ADAMTS7: variants seen among roughly 807,000 people sequenced by gnomAD.
The protein encoded by ADAMTS7 is A disintegrin and metalloproteinase with thrombospondin motifs 7.
In ADAMTS7, 89 loss-of-function variants were observed where a neutral mutation model predicts 172.6. That is an observed-to-expected ratio of 0.52 (90% CI 0.43 to 0.61). The LOEUF (loss-of-function observed/expected upper bound fraction) is 0.61. Among genes scored for constraint, ADAMTS7 ranks in the 20% least tolerant of loss-of-function variants. The pLI, the probability that ADAMTS7 is intolerant of heterozygous loss-of-function variation, is 0.00. For missense variants in ADAMTS7, 1,973 were observed against 2,355.6 expected, an observed-to-expected ratio of 0.84 and a Z score of 3.36; for synonymous variants, 885 against 978.4, an observed-to-expected ratio of 0.90 and a Z score of 1.78.
rs138987419 is a variant in ADAMTS7, at chr15:78,809,441, G to A, written c.100+1680C>T. On this transcript the variant is annotated intron_variant, in intron 1 of 23. Coordinates refer to ENST00000388820, the MANE Select transcript of ADAMTS7 (RefSeq NM_014272.5). ...GACAGACTTCACCCTTGGAGTGTTT[G>A]TGCCCAGATTAGGTTGGAGAGAGTG... Among the ~76,000 whole-genome samples, 524 of 152,260 alleles carry A rather than the reference G, an allele frequency of 3.4e-3. 2 individuals are homozygous for A. Among genetic ancestry groups the A allele is most frequent in the African/African-American group, 0.012 (509 of 41,554 alleles).
At chr15:78,779,983 G>A (rs2055407142) in intron 8 of ADAMTS7, among the ~76,000 whole-genome samples, 1 of 147,460 alleles carries the variant, frequency 6.8e-6, no homozygotes, top group African/African-American at 2.5e-5. Flanking sequence ...CCGAGGTGCT[G>A]TCTTGGGAGT....
Position 78,764,623 on chromosome 15 carries a change from G to A in ADAMTS7, c.4351C>T (p.Arg1451Trp), listed in dbSNP as rs369253047. The A allele has an allele frequency of 1.0e-4, 156 of 1,551,744 alleles. No individual in the cohort carries two copies. The highest frequency in any genetic ancestry group is 3.5e-5 in the South Asian group (3 of 85,768). ...TGGCAGCGGCGGGCAGGCTGGGGCCGGCCAGCGGGGGCGCAGTCCTCATCC... is the reference window on the plus strand; with the variant it reads ...TGGCAGCGGCGGGCAGGCTGGGGCCAGCCAGCGGGGGCGCAGTCCTCATCC... The part of the protein sequence containing the change: ...GRDEDCAPAG[R>W]PQPARRCHLR... Residue 1451 changes from arginine (R) to tryptophan (W), a missense_variant, in exon 20 of 24, where the codon CGG (arginine) becomes TGG (tryptophan). By Grantham distance (101) the Arg-to-Trp change is moderately radical. Transcript: ENST00000388820.
chr15:78,777,331 G>C, intron 9 of ADAMTS7, 113 bp downstream of exon 9: 1 of 1,407,640 alleles, frequency 7.1e-7, no homozygotes, highest in Non-Finnish European at 9.5e-7. Context: ...CAGGGGCGCA[G>C]CCCAGGCCAG....
In ADAMTS7 at chr15:78,786,860, A is replaced by AT. The variant is rs991423798; in HGVS notation, c.1322+1370dup. On this transcript the variant is annotated intron_variant, in intron 8 of 23. Transcript: ENST00000388820. Reference sequence around the variant, plus strand: ...ACTGCACAGGTCCACTTACATGTGGATTTTTTTTCACCTCTGCCACCCCTG... The same window carrying AT: ...ACTGCACAGGTCCACTTACATGTGGATTTTTTTTTCACCTCTGCCACCCCTG... 2.6e-5 allele frequency among the ~76,000 whole-genome samples: 4 copies of AT among 151,946 alleles called. No homozygotes were observed. In the South Asian group the frequency reaches 8.3e-4, roughly 32 times the overall value.
intron 3 of ADAMTS7, 145 bp downstream of exon 3, chr15:78,797,803 G>C (rs1367666781): frequency 2.4e-5 from 23 of 954,840 alleles, no homozygotes; most frequent in African/African-American, 3.5e-5. Flanking sequence ...AAGGGCACAG[G>C]CTATGGTAAA....
At position 78,800,304 on chromosome 15, in the gene ADAMTS7, C is replaced by G. The variant is rs61754849; in HGVS notation, c.344G>C (p.Gly115Ala). The change falls in exon 2 of 24, where the codon GGC becomes GCC. Residue 115 changes from glycine (G) to alanine (A), a missense_variant. Physicochemically the swap from Gly to Ala is moderately conservative, Grantham distance 60 (BLOSUM62 0). Coordinates refer to ENST00000388820, the MANE Select transcript of ADAMTS7 (RefSeq NM_014272.5). ...GFVSETRRRG[G>A]LGRAHIRAHT... is the part of the protein sequence containing the mutation. Reference sequence around the variant, plus strand: ...GGCCCGGATGTGCGCGCGGCCCAGGCCGCCGCGCCGCCGCGTCTCGCTCAC... The same window carrying G: ...GGCCCGGATGTGCGCGCGGCCCAGGGCGCCGCGCCGCCGCGTCTCGCTCAC... 3.4e-5 allele frequency: 54 copies of G among 1,586,718 alleles called. 1 individual carries two copies. In the South Asian group the frequency reaches 5.8e-4, roughly 17 times the overall value.
chr15:78,766,705 A>G lies in ADAMTS7; in HGVS notation c.3206T>C (p.Phe1069Ser). ...FVDDFYYDYN[F>S]INFHEDLSYG... ...GGACAGATCCTCGTGGAAATTGATG[A>G]AATTGTAGTCGTAGTAGAAGTCGTC... The change falls in exon 19 of 24, where the codon TTC becomes TCC. Residue 1069 changes from phenylalanine (F) to serine (S), a missense_variant. Physicochemically the swap from Phe to Ser is radical, Grantham distance 155. Around this residue, in one of 8 missense-constraint regions of ADAMTS7, gnomAD observed 771 missense variants for 952.6 expected, o/e 0.81. Transcript: ENST00000388820. 1 of 1,610,880 alleles carries G rather than the reference A, an allele frequency of 6.2e-7. No individual in the cohort carries two copies.
Position 78,759,591 on chromosome 15 carries a change from G to T in ADAMTS7, c.4904-13C>A, listed in dbSNP as rs550912581. The T allele has an allele frequency of 8.9e-6, 14 of 1,568,546 alleles. No individual in the cohort carries two copies. Among genetic ancestry groups the T allele is most frequent in the South Asian group, 8.1e-5 (7 of 86,868 alleles). ...TCCCGCTCACAGCCTGGAGTGGGGG[G>T]GCAGAGAGGCATCAGAACCAGTAGC... On this transcript the variant is annotated splice_polypyrimidine_tract_variant and intron_variant, in intron 23 of 23. Transcript: ENST00000388820.
At chr15:78,772,909 C>T (rs1050150291) in intron 14 of ADAMTS7, among the ~76,000 whole-genome samples, 174 bp downstream of exon 14, 8 of 152,230 alleles carry the variant, frequency 5.3e-5, no homozygotes, top group African/African-American at 1.2e-4. Context: ...GGTCTCTGCA[C>T]ATGGGCCAGG....
chr15:78,771,933 C>T lies in ADAMTS7; in HGVS notation c.2132-104G>A. On this transcript the variant is annotated intron_variant, in intron 14 of 23. Coordinates refer to ENST00000388820, the MANE Select transcript of ADAMTS7 (RefSeq NM_014272.5). This position sits in a 1 kb window ranked among gnomAD's most constrained non-coding sequence, Gnocchi z 4.9. The stretch of plus-strand genomic sequence containing the variant: ...CCCCACTTGCCTCCGCCTGCTGATG[C>T]CAAAGCTTTAAAGTCTGAGCTCCCT... 1 of 1,483,780 alleles carries T rather than the reference C, an allele frequency of 6.7e-7. No homozygotes were observed. The highest frequency in any genetic ancestry group is 9.0e-7 in the Non-Finnish European group (1 of 1,109,222). The allele number at this position is 1,483,780 out of a possible 1,614,324, so 91.9% of individuals were successfully genotyped here.
intron 16 of ADAMTS7, among the ~76,000 whole-genome samples, chr15:78,768,605 G>A (rs2055198394): frequency 6.6e-6 from 1 of 152,216 alleles, no homozygotes; most frequent in Non-Finnish European, 1.5e-5. Flanking sequence ...TAAAGTGGGA[G>A]CAACAATCCT....
intron 3 of ADAMTS7, among the ~76,000 whole-genome samples, chr15:78,797,054 T>G (rs999708859): frequency 2.6e-5 from 4 of 152,130 alleles, no homozygotes; most frequent in African/African-American, 7.2e-5. Flanking sequence ...AATGAAATGG[T>G]GGATATAAAC....
At chr15:78,796,912 C>T (rs1421986710) in intron 3 of ADAMTS7, 126 bp from the exon 4 acceptor site, 6 of 810,106 alleles carry the variant, frequency 7.4e-6, no homozygotes, top group Admixed American at 2.9e-5. Context: ...AGGCCAGGGG[C>T]CTGAATTCGC....
rs1411656049 is a variant in ADAMTS7 at position 78,774,443 on chromosome 15, GATAGCT to G, written c.1877-149_1877-144del. The G allele has an allele frequency of 3.7e-4, 511 of 1,367,058 alleles. 1 individual carries two copies. The highest frequency in any genetic ancestry group is 4.7e-4 in the Non-Finnish European group (478 of 1,020,680). 84.7% of individuals were successfully genotyped at this position (1,367,058 alleles called of 1,614,324 possible). ...ACATGCTGGAGGCTCCGGCTGGGCT[GATAGCT>G]ATCTGCAAGGCTGCAGACTGGGGAG... On this transcript the variant is annotated intron_variant, in intron 12 of 23. Transcript: ENST00000388820.
intron 9 of ADAMTS7, chr15:78,777,228 T>C: frequency 1.5e-6 from 1 of 671,142 alleles, no homozygotes; most frequent in Non-Finnish European, 2.5e-6. Flanking sequence ...AGGGTCACAG[T>C]TGGTCCATGG....
chr15:78,795,681 C>T (rs2055633566), intron 4 of ADAMTS7, among the ~76,000 whole-genome samples: 1 of 152,176 alleles, frequency 6.6e-6, no homozygotes, highest in East Asian at 1.9e-4. Flanking sequence ...CCCCCAACAA[C>T]CCAGCCCAGG....
chr15:78,766,310 C>G lies in ADAMTS7; in HGVS notation c.3601G>C (p.Asp1201His). 1 of 1,611,368 alleles carries G rather than the reference C, an allele frequency of 6.2e-7. No homozygotes were observed. The change falls in exon 19 of 24, where the codon GAC (aspartate) becomes CAC (histidine). Residue 1201 changes from aspartate (D) to histidine (H), a missense_variant. Physicochemically the swap from Asp to His is moderately conservative, Grantham distance 81. Coordinates refer to ENST00000388820, the MANE Select transcript of ADAMTS7 (RefSeq NM_014272.5). ...ESQNDFPVGK[D>H]SQSQLPPPWR... ...GGAGGGGGCAGCTGGCTCTGGCTGT[C>G]CTTGCCAACTGGGAAATCATTTTGG... is the stretch of plus-strand genomic sequence containing the variant.
At chr15:78,782,848 C>T (rs1271138061) in intron 8 of ADAMTS7, among the ~76,000 whole-genome samples, 1 of 152,032 alleles carries the variant, frequency 6.6e-6, no homozygotes, top group Non-Finnish European at 1.5e-5. Context: ...CCTCCCCAAC[C>T]CTGAGTAGCC....
At chr15:78,786,298 T>A (rs1382916737) in intron 8 of ADAMTS7, among the ~76,000 whole-genome samples, 1 of 152,216 alleles carries the variant, frequency 6.6e-6, no homozygotes, top group Non-Finnish European at 1.5e-5. Context: ...ACAGGCAATG[T>A]CTGTGTCCAC....
Sources: allele counts gnomAD v4.1 joint callset (sites outside exome capture counted in the v4.1 genomes callset), GRCh38; gene constraint gnomAD v4.1.1; regional missense constraint gnomAD v4.1.1; non-coding constraint Gnocchi (gnomAD v3.1); transcripts MANE v1.5; gene names NCBI Gene and HGNC (gene_info 2026-07-23, HGNC 2026-07-21).